Variants in MARCHF8 observed in about 807,000 individuals in gnomAD.
MARCHF8 encodes the protein E3 ubiquitin-protein ligase MARCHF8.
Under a neutral mutation model 51.6 loss-of-function variants are expected in MARCHF8, and 40 were observed. The observed-to-expected ratio is 0.77, with a 90% confidence interval of 0.60 to 1.01. The LOEUF (loss-of-function observed/expected upper bound fraction) is 1.01. Among genes scored for constraint, MARCHF8 ranks in the 50% least tolerant of loss-of-function variants. The pLI is 0.00. For synonymous variants in MARCHF8, 263 were observed against 280.3 expected (o/e 0.94, Z 0.62); for missense variants, 685 against 708.6 (o/e 0.97, Z 0.38).
intron 1 of MARCHF8, among the ~76,000 whole-genome samples, chr10:45,568,674 G>C (rs1206858893): frequency 1.4e-5 from 2 of 143,332 alleles, no homozygotes; most frequent in African/African-American, 5.3e-5. Flanking sequence ...AGTTGAGATG[G>C]CACCACTGCA....
intron 2 of MARCHF8, 28 bp downstream of exon 2, chr10:45,533,082 G>A: frequency 1.9e-6 from 3 of 1,552,548 alleles, no homozygotes; most frequent in Non-Finnish European, 2.6e-6. Context: ...TAAAAATAAT[G>A]AAACTAAAAA....
chr10:45,581,064 A>G (rs2044550223), intron 1 of MARCHF8, among the ~76,000 whole-genome samples: 1 of 152,136 alleles, frequency 6.6e-6, no homozygotes, highest in Admixed American at 6.5e-5. Flanking sequence ...AAGAGTAGGA[A>G]GACCTTAACC....
At chr10:45,582,344 G>A (rs933752777) in intron 1 of MARCHF8, among the ~76,000 whole-genome samples, 6 of 152,138 alleles carry the variant, frequency 3.9e-5, no homozygotes, top group Non-Finnish European at 8.8e-5. Context: ...CATGAAACCA[G>A]CCTAATTATT....
chr10:45,506,387 T>C (rs1035803090), intron 2 of MARCHF8, among the ~76,000 whole-genome samples: 1 of 152,240 alleles, frequency 6.6e-6, no homozygotes, highest in Non-Finnish European at 1.5e-5. Context: ...GTTTACTGAT[T>C]GAATAAACTA....
chr10:45,591,638 T>C (rs983918503), intron 1 of MARCHF8, among the ~76,000 whole-genome samples: 2 of 152,094 alleles, frequency 1.3e-5, no homozygotes, highest in African/African-American at 4.8e-5. Flanking sequence ...TTAATAAACA[T>C]TTTTTCAAAG....
At chr10:45,554,872 T>C (rs560365705) in intron 1 of MARCHF8, among the ~76,000 whole-genome samples, 1 of 152,038 alleles carries the variant, frequency 6.6e-6, no homozygotes, top group African/African-American at 2.4e-5. Context: ...CTGGCCGATG[T>C]GATAAAACCC....
At chr10:45,542,821 CCA>C (rs2044071219) in intron 1 of MARCHF8, among the ~76,000 whole-genome samples, 1 of 152,044 alleles carries the variant, frequency 6.6e-6, no homozygotes, top group South Asian at 2.1e-4. Flanking sequence ...ACATCTAATG[CCA>C]CACACTTTCC....
At chr10:45,492,156 T>C (rs977174852) in intron 2 of MARCHF8, among the ~76,000 whole-genome samples, 1 of 151,942 alleles carries the variant, frequency 6.6e-6, no homozygotes, top group African/African-American at 2.4e-5. Flanking sequence ...AACACAGGGG[T>C]TTTAAAGCCT....
At chr10:45,498,030 G>C (rs1229460616) in intron 2 of MARCHF8, among the ~76,000 whole-genome samples, 1 of 152,080 alleles carries the variant, frequency 6.6e-6, no homozygotes, top group Non-Finnish European at 1.5e-5. Context: ...AAAAACTACA[G>C]GTAACATTAT....
intron 3 of MARCHF8, among the ~76,000 whole-genome samples, chr10:45,475,944 T>A (rs34744856): frequency 0.011 from 1,739 of 152,154 alleles, 20 homozygotes; most frequent in Non-Finnish European, 0.014. Flanking sequence ...ACTGAGGAAA[T>A]CACAGACACC....
At chr10:45,570,008 A>T (rs570372588) in intron 1 of MARCHF8, among the ~76,000 whole-genome samples, 2 of 152,294 alleles carry the variant, frequency 1.3e-5, no homozygotes, top group East Asian at 3.9e-4. Context: ...CACAAGATAA[A>T]ACTTTTAAAA....
intron 2 of MARCHF8, among the ~76,000 whole-genome samples, chr10:45,505,943 G>C (rs538155486): frequency 6.6e-6 from 1 of 152,322 alleles, no homozygotes; most frequent in African/African-American, 2.4e-5. Flanking sequence ...CAGAATTGAA[G>C]TCATAAACTC....
chr10:45,482,196 C>T (rs1176394171), intron 3 of MARCHF8, among the ~76,000 whole-genome samples: 1 of 152,152 alleles, frequency 6.6e-6, no homozygotes, highest in Non-Finnish European at 1.5e-5. Context: ...TATCCCACGT[C>T]CACGGATCAA....
At position 45,481,223 on chromosome 10, in the gene MARCHF8, AAACT is replaced by A. The variant is rs1481346157; in HGVS notation, c.153+8140_153+8143del. On this transcript the variant is annotated intron_variant, in intron 3 of 7. Transcript: ENST00000453424. Reference sequence around the variant, plus strand: ...GTGCCTGTGCCCCCATTGTATCTAGAAACTAACTAACTTGATTTTGATTTTACAG... The same window carrying A: ...GTGCCTGTGCCCCCATTGTATCTAGAAACTAACTTGATTTTGATTTTACAG... Among the ~76,000 whole-genome samples, 4 of 152,302 alleles carry A rather than the reference AAACT, an allele frequency of 2.6e-5. No homozygotes were observed. The East Asian group carries it at 7.7e-4, about 29-fold the overall frequency.
chr10:45,590,700 G>T (rs1230346706), intron 1 of MARCHF8, among the ~76,000 whole-genome samples: 1 of 152,138 alleles, frequency 6.6e-6, no homozygotes, highest in Non-Finnish European at 1.5e-5. Context: ...TATTTTGGGG[G>T]GATATACATA....
chr10:45,589,915 C>G (rs1161796724), intron 1 of MARCHF8, among the ~76,000 whole-genome samples: 4 of 152,190 alleles, frequency 2.6e-5, no homozygotes, highest in Non-Finnish European at 5.9e-5. Flanking sequence ...TTTCATTTCT[C>G]TTGGGTATAT....
intron 2 of MARCHF8, among the ~76,000 whole-genome samples, chr10:45,510,185 G>A (rs2043470535): frequency 6.6e-6 from 1 of 152,082 alleles, no homozygotes; most frequent in Non-Finnish European, 1.5e-5. Context: ...TGGAGAGAAG[G>A]CCAGCAAGAG....
chr10:45,577,650 C>G (rs187543633), intron 1 of MARCHF8, among the ~76,000 whole-genome samples: 1 of 151,152 alleles, frequency 6.6e-6, no homozygotes, highest in East Asian at 1.9e-4. Context: ...CTTGAACTTC[C>G]CAGCTGCTAG....
At chr10:45,538,414 T>A (rs71496614), upstream of MARCHF8, among the ~76,000 whole-genome samples, 9,387 of 152,202 alleles carry the variant, frequency 0.062, 330 homozygotes, top group Non-Finnish European at 0.066. Context: ...TCAACTAACG[T>A]GCAAAATAAC....
Sources: gnomAD v4.1 joint callset for allele counts (sites outside exome capture counted in the v4.1 genomes callset) on GRCh38, gnomAD v4.1.1 for gene constraint, MANE v1.5 for transcripts, NCBI Gene and HGNC (gene_info 2026-07-23, HGNC 2026-07-21) for gene names.